The following COMMD10 variants were observed in gnomAD, a reference collection of about 807,000 sequenced individuals.
The protein encoded by COMMD10 is COMM domain-containing protein 10.
In COMMD10, 33 loss-of-function variants were observed where a neutral mutation model predicts 28.9. That is an observed-to-expected ratio of 1.14 (90% CI 0.87 to 1.53). The LOEUF (loss-of-function observed/expected upper bound fraction) is 1.53. Ranked by LOEUF, COMMD10 falls within the 40% of genes most tolerant of loss-of-function variation. The pLI is 0.00. For missense variants in COMMD10, 310 were observed against 233.4 expected (o/e 1.33, Z -2.14); for synonymous variants, 110 against 81.7 (o/e 1.35, Z -1.87).
chr5:116,129,276 G>A (rs145134520), intron 4 of COMMD10, among the ~76,000 whole-genome samples: 154 of 149,854 alleles, frequency 1.0e-3, no homozygotes, highest in African/African-American at 3.5e-3. Context: ...CTGTAAAATG[G>A]GGGTAATAAG....
At chr5:116,099,334 T>C (rs575567813) in intron 4 of COMMD10, among the ~76,000 whole-genome samples, 2 of 151,398 alleles carry the variant, frequency 1.3e-5, no homozygotes, top group East Asian at 3.9e-4. Flanking sequence ...ATTCCATTCA[T>C]TATCTGTTCA....
intron 5 of COMMD10, among the ~76,000 whole-genome samples, chr5:116,217,758 C>T (rs541954817): frequency 4.6e-5 from 7 of 152,138 alleles, no homozygotes; most frequent in East Asian, 3.9e-4. Context: ...GTCAAAGTCG[C>T]GGAATCCCTC....
chr5:116,290,639 T>A (rs1751338423), intron 5 of COMMD10, among the ~76,000 whole-genome samples: 1 of 151,928 alleles, frequency 6.6e-6, no homozygotes, highest in African/African-American at 2.4e-5. Flanking sequence ...GTTTTCTACT[T>A]CTTTAGTTCA....
At chr5:116,288,872 C>CTT (rs1157658912) in intron 5 of COMMD10, among the ~76,000 whole-genome samples, 1,342 of 104,340 alleles carry the variant, frequency 0.013, 41 homozygotes, top group Non-Finnish European at 0.019. Context: ...TGTTCTCTCT[C>CTT]TTTTTTTTTT....
chr5:116,248,401 C>T (rs1173198955), intron 5 of COMMD10, among the ~76,000 whole-genome samples: 2 of 151,804 alleles, frequency 1.3e-5, no homozygotes, highest in Admixed American at 1.3e-4. Flanking sequence ...AAGCAGGTAA[C>T]CTGTTTGACA....
intron 5 of COMMD10, among the ~76,000 whole-genome samples, chr5:116,162,869 A>C (rs1385777865): frequency 3.5e-5 from 1 of 28,276 alleles, no homozygotes; most frequent in Non-Finnish European, 7.6e-5. Flanking sequence ...TAGATACAAC[A>C]CCTTTTTAAA....
At chr5:116,119,364 C>A (rs1020300608) in intron 4 of COMMD10, among the ~76,000 whole-genome samples, 2 of 152,088 alleles carry the variant, frequency 1.3e-5, no homozygotes, top group Non-Finnish European at 2.9e-5. Flanking sequence ...ATGTAGCAGC[C>A]AAATTAAAAG....
chr5:116,196,976 C>T (rs887037980), intron 5 of COMMD10, among the ~76,000 whole-genome samples: 3 of 152,114 alleles, frequency 2.0e-5, no homozygotes, highest in Non-Finnish European at 2.9e-5. Flanking sequence ...TATGTGCTTA[C>T]ATACAAATAA....
intron 4 of COMMD10, among the ~76,000 whole-genome samples, chr5:116,116,104 G>C (rs1751224842): frequency 6.6e-6 from 1 of 151,892 alleles, no homozygotes; most frequent in African/African-American, 2.4e-5. Context: ...TTTTCTTACA[G>C]GTTCTTGAGA....
intron 5 of COMMD10, among the ~76,000 whole-genome samples, chr5:116,239,212 G>C (rs1320935297): frequency 6.6e-6 from 1 of 151,982 alleles, no homozygotes; most frequent in Non-Finnish European, 1.5e-5. Flanking sequence ...ATTTTTTATA[G>C]GTTCTTGGTT....
In COMMD10 at chr5:116,167,567, C is replaced by T. The variant is rs992374105; in HGVS notation, c.510+33389C>T. On this transcript the variant is annotated intron_variant, in intron 5 of 6. Coordinates refer to ENST00000274458, the MANE Select transcript of COMMD10 (RefSeq NM_016144.4). ...ATCAGATTCACCAAGGTGGACATGA[C>T]GGAAAAAATGTTAAGGGCAGCCAGA... is the stretch of plus-strand genomic sequence containing the variant. 5.9e-5 allele frequency among the ~76,000 whole-genome samples: 9 copies of T among 152,142 alleles called. No homozygotes were observed. The East Asian group carries it at 9.7e-4, about 16-fold the overall frequency.
At chr5:116,205,879 T>G (rs1265426983) in intron 5 of COMMD10, among the ~76,000 whole-genome samples, 1 of 152,176 alleles carries the variant, frequency 6.6e-6, no homozygotes, top group Non-Finnish European at 1.5e-5. Context: ...GATATATATT[T>G]GCTTTACATT....
intron 5 of COMMD10, among the ~76,000 whole-genome samples, chr5:116,159,387 G>A (rs935095041): frequency 6.6e-6 from 1 of 152,156 alleles, no homozygotes; most frequent in Non-Finnish European, 1.5e-5. Flanking sequence ...ATATACACAT[G>A]GATTGCTGTT....
intron 5 of COMMD10, among the ~76,000 whole-genome samples, chr5:116,245,786 AT>A (rs1749935798): frequency 6.6e-6 from 1 of 151,634 alleles, no homozygotes; most frequent in Admixed American, 6.6e-5. Flanking sequence ...GATACAATTC[AT>A]ACCTTCGTGT....
intron 5 of COMMD10, among the ~76,000 whole-genome samples, chr5:116,205,702 A>G (rs1457583585): frequency 6.6e-6 from 1 of 152,168 alleles, no homozygotes; most frequent in East Asian, 1.9e-4. Context: ...TACCTTGGAA[A>G]AATATAAAAT....
intron 5 of COMMD10, among the ~76,000 whole-genome samples, chr5:116,183,372 T>C (rs983028206): frequency 3.9e-5 from 6 of 152,134 alleles, no homozygotes; most frequent in African/African-American, 1.4e-4. Context: ...TTTGAAAATC[T>C]GGGTTTAGCT....
rs553384162 is a variant in COMMD10, at chr5:116,261,838, G to T, written c.511-29679G>T. Among the ~76,000 whole-genome samples the T allele has an allele frequency of 6.6e-5, 10 of 151,632 alleles. No individual in the cohort carries two copies. In the South Asian group the frequency reaches 2.1e-3, roughly 32 times the overall value. On this transcript the variant is annotated intron_variant, in intron 5 of 6. Coordinates refer to ENST00000274458, the MANE Select transcript of COMMD10 (RefSeq NM_016144.4). ...TCTCTGGATCTCTCTTCAACCTTTG[G>T]TTCCACTGGCCAGCCATTCTTAACT... is the stretch of plus-strand genomic sequence containing the variant.
chr5:116,220,307 G>A (rs779823924), intron 5 of COMMD10, among the ~76,000 whole-genome samples: 3 of 152,146 alleles, frequency 2.0e-5, no homozygotes, highest in East Asian at 1.9e-4. Context: ...TGAAGACTAC[G>A]TGAATTGAGT....
chr5:116,130,442 C>G (rs113569905), intron 4 of COMMD10, among the ~76,000 whole-genome samples: 4 of 151,816 alleles, frequency 2.6e-5, no homozygotes, highest in African/African-American at 4.8e-5. Flanking sequence ...TTTATTGACC[C>G]TGCTTCTCCG....
Sources: allele counts gnomAD v4.1 joint callset (sites outside exome capture counted in the v4.1 genomes callset), GRCh38; gene constraint gnomAD v4.1.1; transcripts MANE v1.5; gene names NCBI Gene and HGNC (gene_info 2026-07-23, HGNC 2026-07-21).